The following BCHE variants were observed in gnomAD, a reference collection of about 807,000 sequenced individuals.
BCHE encodes the protein butyrylcholinesterase.
Under a neutral mutation model 51.3 loss-of-function variants are expected in BCHE, and 48 were observed. That is an observed-to-expected ratio of 0.94 (90% CI 0.74 to 1.19). The LOEUF (loss-of-function observed/expected upper bound fraction) is 1.19. Among genes scored for constraint, BCHE ranks in the 50% most tolerant of loss-of-function variants. The pLI is 0.00. For synonymous variants in BCHE, 251 were observed against 238.0 expected (o/e 1.05, Z -0.50); for missense variants, 847 against 708.2 (o/e 1.20, Z -2.23).
rs1011402022 is a variant in BCHE at position 165,773,201 on chromosome 3, C to A, written c.*181G>T. On this transcript the variant is annotated 3_prime_UTR_variant, in exon 4 of 4. Transcript: ENST00000264381. ...TGAAATTTAATTAAACACGTTCTAG[C>A]CATTTGGGTTTTGAAATGCTAGGTA... 3.6e-6 allele frequency: 2 copies of A among 551,934 alleles called. No individual in the cohort carries two copies. Among genetic ancestry groups the A allele is most frequent in the Non-Finnish European group, 6.3e-6 (2 of 316,584 alleles). The allele number at this position is 551,934 out of a possible 1,614,324, so 34.2% of individuals were successfully genotyped here.
chr3:165,827,431 C>A (rs901612428), intron 2 of BCHE, among the ~76,000 whole-genome samples: 10 of 150,874 alleles, frequency 6.6e-5, no homozygotes, highest in African/African-American at 2.2e-4. Flanking sequence ...TATTAAATAA[C>A]CTTATTAATT....
intron 2 of BCHE, among the ~76,000 whole-genome samples, chr3:165,801,553 GATAA>G (rs1448459211): frequency 6.6e-6 from 1 of 151,936 alleles, no homozygotes; most frequent in Non-Finnish European, 1.5e-5. Context: ...ACATTATAAA[GATAA>G]ATAAATAGAA....
rs573556979 is a variant in BCHE at position 165,779,630 on chromosome 3, C to T, written c.1685-6124G>A. The stretch of plus-strand genomic sequence containing the variant: ...TTCCTATACACCAATAATAGACAAG[C>T]AGAGAGCCAAATCATGAATGAACTC... On this transcript the variant is annotated intron_variant, in intron 3 of 3. Transcript: ENST00000264381. 1.4e-4 allele frequency among the ~76,000 whole-genome samples: 21 copies of T among 152,066 alleles called. No individual in the cohort carries two copies. The South Asian group carries it at 4.2e-3, about 30-fold the overall frequency.
At chr3:165,804,206 A>G (rs1012423688) in intron 2 of BCHE, among the ~76,000 whole-genome samples, 1 of 152,156 alleles carries the variant, frequency 6.6e-6, no homozygotes, top group African/African-American at 2.4e-5. Context: ...CCAATATGAG[A>G]ATAGTTGGAA....
intron 3 of BCHE, among the ~76,000 whole-genome samples, chr3:165,777,301 G>A (rs1297190339): frequency 6.6e-6 from 1 of 151,756 alleles, no homozygotes; most frequent in Non-Finnish European, 1.5e-5. Context: ...TAAAACATAT[G>A]TAACCTTAGA....
intron 2 of BCHE, among the ~76,000 whole-genome samples, chr3:165,822,256 A>T (rs1714553254): frequency 6.6e-6 from 1 of 152,002 alleles, no homozygotes; most frequent in Admixed American, 6.6e-5. Flanking sequence ...AGAAGCAAGT[A>T]AATTGCCTCA....
rs892642457 is a variant in BCHE, at chr3:165,830,202, T to G, written c.832A>C (p.Thr278Pro). ...RNRTLNLAKL[T>P]GCSRENETEI... ...GTCTCATTCTCTCTAGAGCAACCAG[T>G]CAATTTAGCTAAGTTCAACGTTCTG... Residue 278 changes from threonine to proline, a missense_variant, in exon 2 of 4, where the codon ACT (threonine) becomes CCT (proline). Transcript: ENST00000264381. The G allele has an allele frequency of 6.2e-7, 1 of 1,613,954 alleles. No individual in the cohort carries two copies. Among genetic ancestry groups the G allele is most frequent in the Non-Finnish European group, 8.5e-7 (1 of 1,179,904 alleles).
chr3:165,829,464 A>T, intron 2 of BCHE, 53 bp downstream of exon 2: 2 of 1,481,504 alleles, frequency 1.3e-6, no homozygotes, highest in South Asian at 2.3e-5. Context: ...AAGCAAAGCT[A>T]AGCAAAACGG....
In BCHE at chr3:165,829,547, A is replaced by G; in HGVS notation, c.1487T>C (p.Val496Ala). 1.2e-6 allele frequency: 2 copies of G among 1,613,730 alleles called. No homozygotes were observed. The highest frequency in any genetic ancestry group is 1.7e-6 in the Non-Finnish European group (2 of 1,179,774). The change falls in exon 2 of 4, where the codon GTG becomes GCG. Residue 496 changes from valine to alanine, a missense_variant. Val to Ala is a moderately conservative substitution (Grantham distance 64, BLOSUM62 0). Coordinates refer to ENST00000264381, the MANE Select transcript of BCHE (RefSeq NM_000055.4). ...KAEEILSRSI[V>A]KRWANFAKYG... ...TTTTGCAAAATTTGCCCACCGTTTC[A>G]CTATGGATCTACTCAAAATTTCCTC...
chr3:165,799,085 A>T (rs141089623), intron 2 of BCHE, among the ~76,000 whole-genome samples: 286 of 152,302 alleles, frequency 1.9e-3, no homozygotes, highest in African/African-American at 6.7e-3. Flanking sequence ...GATAACTTAG[A>T]AAACTTTGAT....
chr3:165,832,018 G>GA (rs1051240726), intron 1 of BCHE, among the ~76,000 whole-genome samples: 4 of 152,004 alleles, frequency 2.6e-5, no homozygotes, highest in Non-Finnish European at 5.9e-5. Flanking sequence ...TTTTTATAAT[G>GA]AAAAAAATGA....
At chr3:165,832,048 G>A (rs1448114709) in intron 1 of BCHE, among the ~76,000 whole-genome samples, 1 of 152,056 alleles carries the variant, frequency 6.6e-6, no homozygotes, top group African/African-American at 2.4e-5. Context: ...GAGGATCAAA[G>A]CTTAGAAACT....
intron 2 of BCHE, among the ~76,000 whole-genome samples, chr3:165,820,944 T>C (rs1018093718): frequency 3.9e-5 from 6 of 152,010 alleles, no homozygotes; most frequent in Non-Finnish European, 1.5e-5. Flanking sequence ...TACAAGGAAA[T>C]GAAAGTTAAT....
intron 2 of BCHE, among the ~76,000 whole-genome samples, chr3:165,805,632 G>A (rs1713838565): frequency 6.6e-6 from 1 of 152,174 alleles, no homozygotes; most frequent in Non-Finnish European, 1.5e-5. Context: ...AGCACAGATG[G>A]ATGATAGCAA....
chr3:165,797,386 T>C (rs1422156301), intron 2 of BCHE, among the ~76,000 whole-genome samples: 1 of 129,996 alleles, frequency 7.7e-6, no homozygotes, highest in Non-Finnish European at 1.6e-5. Context: ...TATTCTTCCC[T>C]TTTTCCCTTT....
At chr3:165,803,428 G>A (rs768064960) in intron 2 of BCHE, among the ~76,000 whole-genome samples, 3 of 151,948 alleles carry the variant, frequency 2.0e-5, no homozygotes, top group Non-Finnish European at 4.4e-5. Flanking sequence ...AATTTAGTAT[G>A]CACTTCTAAA....
chr3:165,826,827 G>A (rs1464893784), intron 2 of BCHE, among the ~76,000 whole-genome samples: 1 of 152,058 alleles, frequency 6.6e-6, no homozygotes, highest in South Asian at 2.1e-4. Flanking sequence ...CTCAACCTTG[G>A]CATTATTTAC....
intron 2 of BCHE, among the ~76,000 whole-genome samples, chr3:165,829,237 A>G (rs1714852619): frequency 6.6e-6 from 1 of 152,144 alleles, no homozygotes; most frequent in Admixed American, 6.6e-5. Context: ...ATCTTTTTCT[A>G]TAAAAACTTT....
In BCHE at chr3:165,773,053, C is replaced by A. The variant is rs1419949205; in HGVS notation, c.*329G>T. The A allele has an allele frequency of 5.1e-6, 1 of 196,848 alleles. No individual in the cohort carries two copies. The highest frequency in any genetic ancestry group is 1.0e-5 in the Non-Finnish European group (1 of 97,346). 12.2% of individuals were successfully genotyped at this position (196,848 alleles called of 1,614,324 possible). On this transcript the variant is annotated 3_prime_UTR_variant, in exon 4 of 4. Transcript: ENST00000264381. ...TTTTACGAGTGGTAATGAAAATACA[C>A]GTGACTAAAAGCAGAGCACTGATAA...
Sources: allele counts gnomAD v4.1 joint callset (sites outside exome capture counted in the v4.1 genomes callset), GRCh38; gene constraint gnomAD v4.1.1; transcripts MANE v1.5; gene names NCBI Gene and HGNC (gene_info 2026-07-23, HGNC 2026-07-21).